Variants in PFKP observed in about 807,000 individuals in gnomAD.
PFKP encodes phosphofructokinase, platelet, also known as ATP-dependent 6-phosphofructokinase, platelet type.
In PFKP, 101 loss-of-function variants were observed where a neutral mutation model predicts 94.3. The ratio of observed to expected loss-of-function variants is 1.07; its 90% CI spans 0.91 to 1.26. The LOEUF (loss-of-function observed/expected upper bound fraction) is 1.26, where lower values mean the gene tolerates loss of function less well. PFKP is among the 50% of genes most tolerant of loss of function. PFKP has a pLI of 0.00. For synonymous variants in PFKP, 573 were observed against 432.6 expected, an observed-to-expected ratio of 1.32 and a Z score of -4.03; for missense variants, 1,145 against 1,103.3, an observed-to-expected ratio of 1.04 and a Z score of -0.53.
At chr10:3,078,474 G>A (rs766684368) in intron 1 of PFKP, among the ~76,000 whole-genome samples, 2 of 152,184 alleles carry the variant, frequency 1.3e-5, no homozygotes, top group Non-Finnish European at 2.9e-5. Context: ...GAAGTTCAGA[G>A]GGAGGGCTTA....
intron 2 of PFKP, among the ~76,000 whole-genome samples, chr10:3,089,862 C>T (rs1362833410): frequency 6.6e-6 from 1 of 152,054 alleles, no homozygotes; most frequent in African/African-American, 2.4e-5. Context: ...CTTCTTTACA[C>T]CCCTGCTTCC....
At chr10:3,135,679 T>TCC (rs1839182323) in intron 20 of PFKP, 57 bp from the exon 21 acceptor site, 4 of 1,053,432 alleles carry the variant, frequency 3.8e-6, no homozygotes, top group Admixed American at 1.8e-5. Context: ...GTGATTCTGC[T>TCC]CCCCCACCTG....
At position 3,124,236 on chromosome 10, in the gene PFKP, C is replaced by T. The variant is rs556216728; in HGVS notation, c.1683+4192C>T. Among the ~76,000 whole-genome samples, 19 of 152,344 alleles carry T rather than the reference C, an allele frequency of 1.2e-4. No homozygotes were observed. The East Asian group carries it at 3.3e-3, about 26-fold the overall frequency. ...AGATGTGGGGATATTCACAGTAAGA[C>T]GGACACGTCCAAGACCATAAATAGT... On this transcript the variant is annotated intron_variant, in intron 16 of 21. Transcript: ENST00000381125.
Position 3,103,787 on chromosome 10 carries a change from G to T in PFKP, c.463G>T (p.Asp155Tyr). 6.2e-7 allele frequency: 1 copy of T among 1,613,902 alleles called. No individual in the cohort carries two copies. The highest frequency in any genetic ancestry group is 1.6e-4 in the Middle Eastern group (1 of 6,062). Residue 155 changes from aspartate to tyrosine, a missense_variant, in exon 5 of 22, where the codon GAT (aspartate) becomes TAT (tyrosine). This residue lies in a region of PFKP where 1,119 missense variants were observed against 1,062.8 expected (regional missense o/e 1.05). Transcript: ENST00000381125. ...LEELARNGQI[D>Y]KEAVQKYAYL... ...GTTTGCTCCCCGCGCAGGCCAGATC[G>T]ATAAGGAGGCCGTGCAGAAGTACGC...
chr10:3,082,119 A>T (rs79056341), intron 1 of PFKP, among the ~76,000 whole-genome samples: 1 of 150,846 alleles, frequency 6.6e-6, no homozygotes, highest in Non-Finnish European at 1.5e-5. Context: ...TTCGTTTTGC[A>T]GTTGAATGGA....
intron 16 of PFKP, 141 bp from the exon 17 acceptor site, chr10:3,129,678 C>T (rs1838331916): frequency 1.1e-6 from 1 of 870,610 alleles, no homozygotes; most frequent in Non-Finnish European, 1.8e-6. Flanking sequence ...CTGCTGCACA[C>T]CCTTCACCTC....
intron 16 of PFKP, among the ~76,000 whole-genome samples, chr10:3,120,358 A>G (rs1363208906): frequency 9.0e-6 from 1 of 110,606 alleles, no homozygotes; most frequent in African/African-American, 3.7e-5. Flanking sequence ...TTGTACCAGC[A>G]TTAAAAATCG....
intron 16 of PFKP, among the ~76,000 whole-genome samples, chr10:3,128,101 G>A (rs889304246): frequency 3.3e-5 from 5 of 152,096 alleles, no homozygotes; most frequent in Admixed American, 2.0e-4. Flanking sequence ...TGACCAGGAC[G>A]GACGGACGGC....
At chr10:3,093,638 C>CTTTTTTTTTTTTTTTT (rs765547765) in intron 2 of PFKP, among the ~76,000 whole-genome samples, 8 of 94,062 alleles carry the variant, frequency 8.5e-5, no homozygotes, top group African/African-American at 3.8e-4. Context: ...CAAGCATTAT[C>CTTTTTTTTTTTTTTTT]TTTTTTTTTT....
chr10:3,105,074 T>C, intron 5 of PFKP, 41 bp from the exon 6 acceptor site: 1 of 1,603,200 alleles, frequency 6.2e-7, no homozygotes, highest in African/African-American at 1.3e-5. Flanking sequence ...GTTTCTCTGC[T>C]TTCTGAGCTG....
At chr10:3,095,099 CA>C (rs1348163322) in intron 2 of PFKP, among the ~76,000 whole-genome samples, 1 of 152,032 alleles carries the variant, frequency 6.6e-6, no homozygotes, top group African/African-American at 2.4e-5. Flanking sequence ...AAGCATTATC[CA>C]GTTGAGAAGA....
chr10:3,131,305 C>T lies in PFKP; in HGVS notation c.1849-1075C>T, dbSNP rs535747191. The stretch of plus-strand genomic sequence containing the variant: ...GTGTGAGTTCACTGTAGGATGTTTG[C>T]GCAAGGCTTAAGTCACCTAGCAATG... On this transcript the variant is annotated intron_variant, in intron 17 of 21. Transcript: ENST00000381125. Among the ~76,000 whole-genome samples the T allele has an allele frequency of 1.4e-4, 22 of 152,154 alleles. No homozygotes were observed. The East Asian group carries it at 1.7e-3, about 12-fold the overall frequency.
chr10:3,110,205 A>AATTAATTT lies in PFKP; in HGVS notation c.1089+728_1089+729insAATTTATT, dbSNP rs1554770553. ...TGCATTTGAAGTTATTTAATTAATT[A>AATTAATTT]ATTTATTTATTTAGAGACGGAGTCT... On this transcript the variant is annotated intron_variant, in intron 10 of 21. Coordinates refer to ENST00000381125, the MANE Select transcript of PFKP (RefSeq NM_002627.5). 6.7e-3 allele frequency among the ~76,000 whole-genome samples: 1,022 copies of AATTAATTT among 151,926 alleles called. 9 individuals are homozygous for AATTAATTT. Among genetic ancestry groups the AATTAATTT allele is most frequent in the African/African-American group, 0.023 (970 of 41,372 alleles).
At chr10:3,084,636 G>A (rs994810898) in intron 2 of PFKP, among the ~76,000 whole-genome samples, 10 of 151,800 alleles carry the variant, frequency 6.6e-5, no homozygotes, top group South Asian at 4.2e-4. Flanking sequence ...TGGCCCTGGT[G>A]GCAGCTGCCC....
chr10:3,125,545 C>T (rs578097313), intron 16 of PFKP, among the ~76,000 whole-genome samples: 33 of 152,272 alleles, frequency 2.2e-4, no homozygotes, highest in Admixed American at 3.3e-4. Flanking sequence ...CTCTCCTGCC[C>T]ACGCTGAGTA....
chr10:3,112,541 G>A (rs1326572266), intron 11 of PFKP, among the ~76,000 whole-genome samples: 2 of 152,176 alleles, frequency 1.3e-5, no homozygotes, highest in Non-Finnish European at 2.9e-5. Context: ...AAGGCACAAG[G>A]TGACTTGTGG....
chr10:3,116,307 C>T (rs1314437171), intron 13 of PFKP, among the ~76,000 whole-genome samples: 1 of 152,172 alleles, frequency 6.6e-6, no homozygotes, highest in Admixed American at 6.5e-5. Context: ...GGGTTCGAGC[C>T]CCACGGGTTC....
intron 1 of PFKP, among the ~76,000 whole-genome samples, chr10:3,078,236 A>T (rs1475122669): frequency 6.6e-6 from 1 of 152,200 alleles, no homozygotes; most frequent in African/African-American, 2.4e-5. Flanking sequence ...GGGCTGTGAA[A>T]GCCCTCATTG....
At chr10:3,114,027 G>C (rs1836536826) in intron 13 of PFKP, among the ~76,000 whole-genome samples, 1 of 73,550 alleles carries the variant, frequency 1.4e-5, no homozygotes, top group Admixed American at 1.4e-4. Flanking sequence ...TTCCTCACAA[G>C]AAAACCGAGG....
Sources: gnomAD v4.1 joint callset for allele counts (sites outside exome capture counted in the v4.1 genomes callset) on GRCh38, gnomAD v4.1.1 for gene constraint, gnomAD v4.1.1 regional missense constraint, MANE v1.5 for transcripts, NCBI Gene and HGNC (gene_info 2026-07-23, HGNC 2026-07-21) for gene names.